ARFGEF2: variants seen among roughly 807,000 people sequenced by gnomAD.
The protein encoded by ARFGEF2 is brefeldin A-inhibited guanine nucleotide-exchange protein 2.
ARFGEF2 carries 74 observed loss-of-function variants against 219.9 expected under a neutral mutation model. The ratio of observed to expected loss-of-function variants is 0.34; its 90% CI spans 0.28 to 0.41. The LOEUF (loss-of-function observed/expected upper bound fraction) is 0.41. ARFGEF2 is among the 10% of genes least tolerant of loss of function. ARFGEF2 has a pLI of 1.00. For missense variants in ARFGEF2, 1,743 were observed against 2,218.3 expected (o/e 0.79, Z 4.30); for synonymous variants, 733 against 799.2 (o/e 0.92, Z 1.40).
At chr20:48,951,909 G>A (rs1319759417) in intron 4 of ARFGEF2, among the ~76,000 whole-genome samples, 1 of 152,008 alleles carries the variant, frequency 6.6e-6, no homozygotes, top group Non-Finnish European at 1.5e-5. Flanking sequence ...GTGTAGCCAA[G>A]GATCCAAATA....
chr20:49,009,746 A>G (rs535907214), intron 26 of ARFGEF2, among the ~76,000 whole-genome samples: 15 of 152,356 alleles, frequency 9.8e-5, no homozygotes, highest in Non-Finnish European at 2.1e-4. Context: ...TCACATAGGT[A>G]TATCCCTACC....
In ARFGEF2 at chr20:49,036,558, A is replaced by C. The variant is rs2091666981; in HGVS notation, c.*3359A>C. On this transcript the variant is annotated 3_prime_UTR_variant, in exon 39 of 39. Coordinates refer to ENST00000371917, the MANE Select transcript of ARFGEF2 (RefSeq NM_006420.3). ...CCATTCCTTGCCCAATGGATGTATA[A>C]ATTTTTGAAAGAATAAGCAGAATTA... is the stretch of plus-strand genomic sequence containing the variant. 4.1e-6 allele frequency: 1 copy of C among 245,476 alleles called. No homozygotes were observed. Among genetic ancestry groups the C allele is most frequent in the Non-Finnish European group, 7.7e-6 (1 of 130,296 alleles). The allele number at this position is 245,476 out of a possible 1,614,324, so 15.2% of individuals were successfully genotyped here. A position where few individuals can be genotyped will look rare whatever the true frequency, so the allele number is the denominator to read the frequency against.
chr20:49,028,416 T>C, intron 36 of ARFGEF2, 114 bp from the exon 37 acceptor site: 12 of 1,216,098 alleles, frequency 9.9e-6, no homozygotes, highest in Non-Finnish European at 1.4e-5. Flanking sequence ...CAAGACTATC[T>C]CAAGAAAAAA....
At chr20:48,939,493 C>G (rs1017016130) in intron 1 of ARFGEF2, among the ~76,000 whole-genome samples, 14 of 152,096 alleles carry the variant, frequency 9.2e-5, no homozygotes, top group African/African-American at 2.7e-4. Flanking sequence ...ATTATAGATA[C>G]AGGTTTCTAA....
chr20:48,999,309 A>G (rs531674348), intron 25 of ARFGEF2: 3 of 432,424 alleles, frequency 6.9e-6, no homozygotes, highest in Non-Finnish European at 9.2e-6. Flanking sequence ...AAAACTGACA[A>G]CTGTTGGGAA....
intron 25 of ARFGEF2, 145 bp from the exon 26 acceptor site, chr20:49,004,925 A>G (rs1185430472): frequency 4.3e-6 from 4 of 921,664 alleles, no homozygotes; most frequent in African/African-American, 1.6e-5. Context: ...GATCATAGCC[A>G]AGAAATAGCA....
chr20:48,926,868 T>G (rs1366171033), intron 1 of ARFGEF2, among the ~76,000 whole-genome samples: 1 of 152,202 alleles, frequency 6.6e-6, no homozygotes, highest in African/African-American at 2.4e-5. Context: ...GAAACGTAGC[T>G]GCAGCACATG....
At chr20:48,927,218 ATGTG>A (rs2090883228) in intron 1 of ARFGEF2, among the ~76,000 whole-genome samples, 1 of 152,156 alleles carries the variant, frequency 6.6e-6, no homozygotes. Flanking sequence ...TTGTATATGA[ATGTG>A]TGTAAGACAT....
intron 38 of ARFGEF2, among the ~76,000 whole-genome samples, chr20:49,032,581 A>G (rs1234959051): frequency 6.6e-6 from 1 of 151,894 alleles, no homozygotes; most frequent in Non-Finnish European, 1.5e-5. Context: ...TTTAATTTGC[A>G]AGGTTTCTTC....
At chr20:49,030,396 G>A (rs1393813561) in intron 37 of ARFGEF2, among the ~76,000 whole-genome samples, 6 of 147,610 alleles carry the variant, frequency 4.1e-5, no homozygotes, top group African/African-American at 1.2e-4. Flanking sequence ...CTGGGCTTAC[G>A]AGCTCTTCCT....
At chr20:49,019,887 T>G (rs542822571) in intron 34 of ARFGEF2, among the ~76,000 whole-genome samples, 1 of 152,236 alleles carries the variant, frequency 6.6e-6, no homozygotes, top group African/African-American at 2.4e-5. Context: ...TTTTCTGATA[T>G]GAGTTTCAAA....
intron 6 of ARFGEF2, among the ~76,000 whole-genome samples, chr20:48,959,390 CCCTTCCTTCCCT>C (rs145207664): frequency 0.066 from 7,228 of 109,666 alleles, 723 homozygotes; most frequent in African/African-American, 0.23. Flanking sequence ...GATAAGTGAA[CCCTTCCTTCCCT>C]CCTTCCTTCC....
At chr20:48,937,791 C>T (rs140578196) in intron 1 of ARFGEF2, among the ~76,000 whole-genome samples, 3 of 152,328 alleles carry the variant, frequency 2.0e-5, no homozygotes, top group Non-Finnish European at 2.9e-5. Flanking sequence ...GTCCTGTCAA[C>T]GCTTGCTCAT....
At position 48,998,157 on chromosome 20, in the gene ARFGEF2, G is replaced by A. The variant is rs377369859; in HGVS notation, c.3222-36G>A. The A allele has an allele frequency of 3.8e-4, 612 of 1,608,144 alleles. 6 individuals are homozygous for A. In the South Asian group the frequency reaches 6.2e-3, roughly 16 times the overall value. ...TTACAGGTGTGAGCCACCACACCCGGTCTAATGTTTATTTTGTCTGGAATT... is the reference window on the plus strand; with the variant it reads ...TTACAGGTGTGAGCCACCACACCCGATCTAATGTTTATTTTGTCTGGAATT... On this transcript the variant is annotated intron_variant, in intron 23 of 38. Transcript: ENST00000371917.
chr20:49,010,119 T>C, intron 26 of ARFGEF2, 113 bp from the exon 27 acceptor site: 3 of 1,327,002 alleles, frequency 2.3e-6, no homozygotes, highest in Non-Finnish European at 3.1e-6. Flanking sequence ...CAAATGTGGA[T>C]TGCTGTGTGC....
chr20:48,985,360 G>C, intron 15 of ARFGEF2, 48 bp from the exon 16 acceptor site: 1 of 1,600,484 alleles, frequency 6.2e-7, no homozygotes, highest in African/African-American at 1.3e-5. Context: ...TTTTGCTGAG[G>C]GTTCGTATTT....
chr20:48,976,917 T>G (rs1410026575), intron 14 of ARFGEF2, among the ~76,000 whole-genome samples: 3 of 151,894 alleles, frequency 2.0e-5, no homozygotes, highest in Non-Finnish European at 4.4e-5. Context: ...TTTGTCTTAT[T>G]TGTTTTATTT....
rs761161217 is a variant in ARFGEF2 at position 48,995,893 on chromosome 20, T to G, written c.3221+11T>G. 3 of 1,612,328 alleles carry G rather than the reference T, an allele frequency of 1.9e-6. No homozygotes were observed. In the Admixed American group the frequency reaches 5.0e-5, roughly 27 times the overall value. ...TGTAGCTGTGGACAGGTAATGATTT[T>G]ATTCTTCAGTGACCCTGAACTACAC... is the stretch of plus-strand genomic sequence containing the variant. On this transcript the variant is annotated intron_variant, in intron 23 of 38. Transcript: ENST00000371917.
chr20:49,009,133 T>C (rs2091481125), intron 26 of ARFGEF2, among the ~76,000 whole-genome samples: 1 of 152,250 alleles, frequency 6.6e-6, no homozygotes, highest in Admixed American at 6.5e-5. Flanking sequence ...TGCTTTATTC[T>C]CCATGGGGAG....
Sources: gnomAD v4.1 joint callset for allele counts (sites outside exome capture counted in the v4.1 genomes callset) on GRCh38, gnomAD v4.1.1 for gene constraint, MANE v1.5 for transcripts, NCBI Gene and HGNC (gene_info 2026-07-23, HGNC 2026-07-21) for gene names.